Variants in NEO1 observed in about 807,000 individuals in gnomAD.
The protein encoded by NEO1 is neogenin 1.
In NEO1, 63 loss-of-function variants were observed where a neutral mutation model predicts 159.7. That is an observed-to-expected ratio of 0.39 (90% CI 0.32 to 0.49). The LOEUF is 0.49. NEO1 is among the 20% of genes least tolerant of loss of function. The pLI is 0.85. For missense variants in NEO1, 1,615 were observed against 1,831.0 expected, an observed-to-expected ratio of 0.88 and a Z score of 2.15; for synonymous variants, 633 against 662.0, an observed-to-expected ratio of 0.96 and a Z score of 0.67.
At chr15:73,109,720 A>G (rs892891927) in intron 1 of NEO1, among the ~76,000 whole-genome samples, 7 of 152,206 alleles carry the variant, frequency 4.6e-5, no homozygotes, top group Non-Finnish European at 1.0e-4. Context: ...AGCTTTGATT[A>G]GACATTGACA....
chr15:73,278,225 T>C, intron 22 of NEO1, 26 bp downstream of exon 22: 1 of 1,605,292 alleles, frequency 6.2e-7, no homozygotes, highest in Non-Finnish European at 8.5e-7. Context: ...TGGCGTTTTT[T>C]GCTTACTATG....
intron 1 of NEO1, among the ~76,000 whole-genome samples, chr15:73,054,349 C>T (rs2067603406): frequency 6.6e-6 from 1 of 152,172 alleles, no homozygotes; most frequent in African/African-American, 2.4e-5. Context: ...ATAATGCAAG[C>T]AGTCTCAGGA....
At chr15:73,064,363 G>A (rs2068107543) in intron 1 of NEO1, among the ~76,000 whole-genome samples, 2 of 152,076 alleles carry the variant, frequency 1.3e-5, no homozygotes, top group South Asian at 4.1e-4. Flanking sequence ...ATTTAAATTA[G>A]TTCATATTCT....
intron 5 of NEO1, among the ~76,000 whole-genome samples, chr15:73,169,174 A>G (rs2034788477): frequency 6.6e-6 from 1 of 152,194 alleles, no homozygotes; most frequent in African/African-American, 2.4e-5. Context: ...ATTATGTAAC[A>G]GTGATGGAAT....
intron 5 of NEO1, among the ~76,000 whole-genome samples, chr15:73,165,362 C>T (rs1182632276): frequency 1.3e-5 from 2 of 151,912 alleles, no homozygotes; most frequent in Non-Finnish European, 2.9e-5. Flanking sequence ...TACTTTTCAC[C>T]TTCTTAACTT....
At chr15:73,192,865 G>C (rs77082378) in intron 7 of NEO1, among the ~76,000 whole-genome samples, 1 of 151,952 alleles carries the variant, frequency 6.6e-6, no homozygotes, top group Non-Finnish European at 1.5e-5. Context: ...GGAAAAACCT[G>C]AAGATGAGGA....
Position 73,138,572 on chromosome 15 carries a change from C to T in NEO1, c.1015+2545C>T, listed in dbSNP as rs186068033. Among the ~76,000 whole-genome samples, 125 of 152,012 alleles carry T rather than the reference C, an allele frequency of 8.2e-4. 1 individual carries two copies. Among genetic ancestry groups the T allele is most frequent in the Middle Eastern group, 6.8e-3 (2 of 292 alleles). ...GAGATCGAGATCATCCCGGCTAAAA[C>T]GGTGAAACCCCGTCTCTACTAAAAA... On this transcript the variant is annotated intron_variant, in intron 5 of 28. Transcript: ENST00000261908.
intron 5 of NEO1, among the ~76,000 whole-genome samples, chr15:73,152,961 G>A (rs191793563): frequency 2.6e-5 from 4 of 152,154 alleles, no homozygotes; most frequent in South Asian, 4.1e-4. Context: ...ATTGGTTCAC[G>A]TGATTATGGA....
intron 1 of NEO1, among the ~76,000 whole-genome samples, chr15:73,084,146 G>C (rs535219213): frequency 1.3e-5 from 2 of 151,478 alleles, no homozygotes; most frequent in East Asian, 3.9e-4. Flanking sequence ...ATCTACCCTA[G>C]AACTTAAAGT....
At chr15:73,183,867 C>T (rs190980727) in intron 7 of NEO1, among the ~76,000 whole-genome samples, 2 of 152,230 alleles carry the variant, frequency 1.3e-5, no homozygotes. Context: ...ACAATAAAAT[C>T]CATTCCAAGC....
At chr15:73,241,626 T>G (rs11857768) in intron 8 of NEO1, among the ~76,000 whole-genome samples, 11,990 of 152,282 alleles carry the variant, frequency 0.079, 562 homozygotes, top group Non-Finnish European at 0.097. Context: ...CCCAGTGCTT[T>G]CTTTCTATAA....
At chr15:73,133,173 GTA>G (rs377573031) in intron 4 of NEO1, among the ~76,000 whole-genome samples, 3 of 150,394 alleles carry the variant, frequency 2.0e-5, no homozygotes, top group Non-Finnish European at 3.0e-5. Context: ...ATTGTGGTAT[GTA>G]TATATATATA....
chr15:73,170,186 C>T (rs1356553168), intron 5 of NEO1, among the ~76,000 whole-genome samples: 1 of 152,078 alleles, frequency 6.6e-6, no homozygotes, highest in Non-Finnish European at 1.5e-5. Flanking sequence ...GTGGGATTTA[C>T]TCTAAGGACA....
intron 1 of NEO1, among the ~76,000 whole-genome samples, chr15:73,077,832 A>C (rs564636074): frequency 2.6e-5 from 4 of 152,250 alleles, no homozygotes; most frequent in Admixed American, 2.6e-4. Flanking sequence ...AAAAATGAGA[A>C]GGTTACTTCC....
chr15:73,127,017 G>A (rs1200577615), intron 4 of NEO1, among the ~76,000 whole-genome samples: 1 of 152,128 alleles, frequency 6.6e-6, no homozygotes, highest in Non-Finnish European at 1.5e-5. Context: ...AGATCACGAG[G>A]TCAGGAGATC....
rs115601710 is a variant in NEO1, at chr15:73,126,888, A to T, written c.878+318A>T. 8.6e-3 allele frequency among the ~76,000 whole-genome samples: 1,317 copies of T among 152,282 alleles called. 22 individuals carry two copies. Among genetic ancestry groups the T allele is most frequent in the African/African-American group, 0.03 (1,243 of 41,556 alleles). ...TCCTGAGTAGCCTGAGTCTTCTCAC[A>T]CATTCTCATATGCATTTTTTTGATA... On this transcript the variant is annotated intron_variant, in intron 4 of 28. Coordinates refer to ENST00000261908, the MANE Select transcript of NEO1 (RefSeq NM_002499.4).
intron 11 of NEO1, 101 bp downstream of exon 11, chr15:73,249,822 C>A (rs569786773): frequency 1.7e-4 from 219 of 1,290,288 alleles, no homozygotes; most frequent in Non-Finnish European, 2.2e-4. Context: ...CAGTTCAAAT[C>A]CCAATTTTAC....
At chr15:73,156,420 G>C (rs1222249287) in intron 5 of NEO1, among the ~76,000 whole-genome samples, 1 of 152,136 alleles carries the variant, frequency 6.6e-6, no homozygotes, top group Non-Finnish European at 1.5e-5. Context: ...GTTCCAGGTA[G>C]GCTGATTCTT....
At chr15:73,215,773 G>A (rs976037303) in intron 7 of NEO1, among the ~76,000 whole-genome samples, 2 of 152,100 alleles carry the variant, frequency 1.3e-5, no homozygotes, top group Non-Finnish European at 2.9e-5. Flanking sequence ...CCTGGCTTTG[G>A]TATTAGGCTG....
Sources: gnomAD v4.1 joint callset for allele counts (sites outside exome capture counted in the v4.1 genomes callset) on GRCh38, gnomAD v4.1.1 for gene constraint, MANE v1.5 for transcripts, NCBI Gene and HGNC (gene_info 2026-07-23, HGNC 2026-07-21) for gene names.